Variants in CEP350 observed in about 807,000 individuals in gnomAD.
The protein encoded by CEP350 is centrosomal protein 350.
In CEP350, 126 loss-of-function variants were observed where a neutral mutation model predicts 331.8. The ratio of observed to expected loss-of-function variants is 0.38; its 90% CI spans 0.33 to 0.44. The LOEUF is 0.44. CEP350 is among the 20% of genes least tolerant of loss of function. The probability of loss-of-function intolerance (pLI) is 1.00; values close to 1 mark genes in which losing one functional copy is unlikely to be tolerated. For synonymous variants in CEP350, 1,200 were observed against 1,259.5 expected, an observed-to-expected ratio of 0.95 and a Z score of 1.00; for missense variants, 3,406 against 3,634.6, an observed-to-expected ratio of 0.94 and a Z score of 1.62.
chr1:179,990,454 G>A, intron 3 of CEP350, 53 bp from the exon 4 acceptor site: 1 of 910,254 alleles, frequency 1.1e-6, no homozygotes, highest in South Asian at 1.8e-5. Context: ...ATTGATGGTA[G>A]CTGGATTATT....
intron 1 of CEP350, among the ~76,000 whole-genome samples, chr1:179,967,813 G>A (rs1651128843): frequency 6.6e-6 from 1 of 152,160 alleles, no homozygotes; most frequent in African/African-American, 2.4e-5. Context: ...TATAAAATAT[G>A]TATGCACACG....
intron 2 of CEP350, among the ~76,000 whole-genome samples, 177 bp from the exon 3 acceptor site, chr1:179,987,063 A>G (rs1210671588): frequency 6.6e-6 from 1 of 152,104 alleles, no homozygotes; most frequent in African/African-American, 2.4e-5. Flanking sequence ...TAATAATCTT[A>G]TAGATAAAAA....
chr1:180,111,477 G>T lies in CEP350; in HGVS notation c.*316G>T. On this transcript the variant is annotated 3_prime_UTR_variant, in exon 38 of 38. Transcript: ENST00000367607. The stretch of plus-strand genomic sequence containing the variant: ...GACTTACCTCTGAGTTTAGACTAGG[G>T]TATCACTTCTTTGAGTCTGAAGTCA... 2 of 219,526 alleles carry T rather than the reference G, an allele frequency of 9.1e-6. No homozygotes were observed. The highest frequency in any genetic ancestry group is 1.2e-4 in the South Asian group (1 of 8,090). 13.6% of individuals were successfully genotyped at this position (219,526 alleles called of 1,614,324 possible).
chr1:179,955,309 TTTTCGGGGACCTAGG>T (rs927684462), intron 1 of CEP350, among the ~76,000 whole-genome samples, 167 bp downstream of exon 1: 2 of 152,184 alleles, frequency 1.3e-5, no homozygotes, highest in Non-Finnish European at 2.9e-5. Flanking sequence ...GTTCTGAGGC[TTTTCGGGGACCTAGG>T]TTTCGGGTCC....
chr1:180,081,077 A>G (rs1057443775), intron 30 of CEP350, among the ~76,000 whole-genome samples: 1 of 151,766 alleles, frequency 6.6e-6, no homozygotes, highest in Non-Finnish European at 1.5e-5. Context: ...CACGTTGGCC[A>G]GGCTGGTCTC....
In CEP350 at chr1:180,043,072, G is replaced by T. The variant is rs747807066; in HGVS notation, c.4379G>T (p.Arg1460Ile). ...CATGTTTAGATGGCAGAGTTGACTA[G>T]AACTCATATCTCAGATGCTGTCGTG... ...RQICEMAELT[R>I]THISDAVVAS... The change falls in exon 20 of 38, where the codon AGA (arginine) becomes ATA (isoleucine). Residue 1460 changes from arginine to isoleucine, a missense_variant. Physicochemically the swap from Arg to Ile is moderately conservative, Grantham distance 97. This residue lies in a region of CEP350 where 1,857 missense variants were observed against 1,909.2 expected (regional missense o/e 0.97). Transcript: ENST00000367607. 6.2e-7 allele frequency: 1 copy of T among 1,613,202 alleles called. No individual in the cohort carries two copies. Among genetic ancestry groups the T allele is most frequent in the South Asian group, 1.1e-5 (1 of 90,978 alleles).
intron 28 of CEP350, among the ~76,000 whole-genome samples, chr1:180,077,078 C>T (rs192892084): frequency 6.6e-6 from 1 of 152,090 alleles, no homozygotes; most frequent in Admixed American, 6.5e-5. Context: ...TGAGAAGAAG[C>T]AAAATTCTCA....
At chr1:180,005,028 A>AT (rs1196569273) in intron 7 of CEP350, among the ~76,000 whole-genome samples, 2 of 85,654 alleles carry the variant, frequency 2.3e-5, no homozygotes, top group African/African-American at 4.6e-5. Context: ...CCTTTCTTTC[A>AT]TTTTCTCTCT....
Position 180,108,341 on chromosome 1 carries a change from A to C in CEP350, c.9190-2656A>C, listed in dbSNP as rs559550921. Among the ~76,000 whole-genome samples, 14 of 152,304 alleles carry C rather than the reference A, an allele frequency of 9.2e-5. No homozygotes were observed. In the South Asian group the frequency reaches 2.9e-3, roughly 32 times the overall value. ...GCTCAAAGAACAGATTTAATATTAC[A>C]GGCCAAGAGAGGCTGGGCAGCATGG... On this transcript the variant is annotated intron_variant, in intron 37 of 37. Transcript: ENST00000367607.
At chr1:180,062,558 A>G (rs1452310134) in intron 26 of CEP350, among the ~76,000 whole-genome samples, 192 bp downstream of exon 26, 1 of 152,190 alleles carries the variant, frequency 6.6e-6, no homozygotes, top group Non-Finnish European at 1.5e-5. Flanking sequence ...TGGGTAATTT[A>G]TAAAGGAGCA....
In CEP350 at chr1:180,022,830, A is replaced by T; in HGVS notation, c.3368A>T (p.Lys1123Ile). Residue 1123 changes from lysine to isoleucine, a missense_variant, in exon 13 of 38, where the codon AAA (lysine) becomes ATA (isoleucine). Lys to Ile is a moderately radical substitution (Grantham distance 102). Transcript: ENST00000367607. ...GGGACTGGGACTTCGACAGAAAAAA[A>T]ATCAACTCTTGAACCTCAGTAAGAT... Reference protein sequence around the residue: ...SPGTGTSTEKKSTLEPHSTLS... With the variant: ...SPGTGTSTEKISTLEPHSTLS... 1.9e-6 allele frequency: 3 copies of T among 1,587,482 alleles called. No individual in the cohort carries two copies. Among genetic ancestry groups the T allele is most frequent in the Non-Finnish European group, 2.6e-6 (3 of 1,165,376 alleles).
At chr1:180,094,818 C>T (rs921818958) in intron 34 of CEP350, among the ~76,000 whole-genome samples, 11 of 152,114 alleles carry the variant, frequency 7.2e-5, no homozygotes, top group Non-Finnish European at 2.9e-5. Flanking sequence ...TGTAATTGTC[C>T]TCTATTATGT....
At chr1:180,037,901 G>A (rs1425112502) in intron 17 of CEP350, among the ~76,000 whole-genome samples, 1 of 152,020 alleles carries the variant, frequency 6.6e-6, no homozygotes, top group Admixed American at 6.6e-5. Context: ...CACCTGCCTC[G>A]GCCTCCCAAA....
intron 36 of CEP350, among the ~76,000 whole-genome samples, chr1:180,096,932 A>G (rs1284293805): frequency 6.6e-6 from 1 of 152,216 alleles, no homozygotes; most frequent in Admixed American, 6.5e-5. Context: ...CTGGAGTAGG[A>G]CCTGAAATTC....
intron 27 of CEP350, among the ~76,000 whole-genome samples, chr1:180,069,079 G>C (rs1231681004): frequency 6.6e-6 from 1 of 152,102 alleles, no homozygotes; most frequent in African/African-American, 2.4e-5. Context: ...GAATTAGTAA[G>C]TACTTTCAAA....
At chr1:180,040,191 A>G (rs560690890) in intron 17 of CEP350, among the ~76,000 whole-genome samples, 1 of 152,024 alleles carries the variant, frequency 6.6e-6, no homozygotes, top group Non-Finnish European at 1.5e-5. Flanking sequence ...TCATTGTGAC[A>G]GCAGAAACTC....
intron 37 of CEP350, 139 bp from the exon 38 acceptor site, chr1:180,110,858 A>C: frequency 1.4e-6 from 1 of 700,802 alleles, no homozygotes; most frequent in Non-Finnish European, 2.3e-6. Context: ...AGGGGTATTG[A>C]TATCATATGA....
chr1:179,997,913 C>T (rs757274368), intron 6 of CEP350, among the ~76,000 whole-genome samples: 3 of 151,948 alleles, frequency 2.0e-5, no homozygotes, highest in Non-Finnish European at 2.9e-5. Flanking sequence ...CAACTTTTAA[C>T]GTGAATGATT....
At chr1:180,070,363 C>G (rs1265225170) in intron 27 of CEP350, among the ~76,000 whole-genome samples, 1 of 152,054 alleles carries the variant, frequency 6.6e-6, no homozygotes, top group Non-Finnish European at 1.5e-5. Flanking sequence ...ATGCAGGCGA[C>G]AATTATATCA....
Sources: gnomAD v4.1 joint callset for allele counts (sites outside exome capture counted in the v4.1 genomes callset) on GRCh38, gnomAD v4.1.1 for gene constraint, gnomAD v4.1.1 regional missense constraint, MANE v1.5 for transcripts, NCBI Gene and HGNC (gene_info 2026-07-23, HGNC 2026-07-21) for gene names.